The following MLLT10 variants were observed in gnomAD, a reference collection of about 807,000 sequenced individuals.
The protein encoded by MLLT10 is MLLT10 histone lysine methyltransferase DOT1L cofactor.
A neutral mutation model predicts 129.1 loss-of-function variants in MLLT10; 30 were observed. The ratio of observed to expected loss-of-function variants is 0.23; its 90% CI spans 0.17 to 0.32. MLLT10 has a LOEUF of 0.32. Among genes scored for constraint, MLLT10 ranks in the 10% least tolerant of loss-of-function variants. The probability of loss-of-function intolerance (pLI) is 1.00; values close to 1 mark genes in which losing one functional copy is unlikely to be tolerated. For synonymous variants in MLLT10, 490 were observed against 446.4 expected (o/e 1.10, Z -1.23); for missense variants, 1,119 against 1,268.3 (o/e 0.88, Z 1.79).
chr10:21,586,973 G>A (rs2042049196), intron 4 of MLLT10, among the ~76,000 whole-genome samples: 1 of 149,214 alleles, frequency 6.7e-6, no homozygotes, highest in African/African-American at 2.5e-5. Flanking sequence ...TTTTTTTGTT[G>A]TTGTTGTTAG....
At chr10:21,591,603 CT>C (rs1158835462) in intron 4 of MLLT10, among the ~76,000 whole-genome samples, 1 of 151,834 alleles carries the variant, frequency 6.6e-6, no homozygotes, top group Non-Finnish European at 1.5e-5. Context: ...CTTAAATTGC[CT>C]TTTTGGCCAT....
chr10:21,730,385 T>C (rs1188903621), intron 16 of MLLT10, among the ~76,000 whole-genome samples: 1 of 152,090 alleles, frequency 6.6e-6, no homozygotes, highest in Non-Finnish European at 1.5e-5. Context: ...TAATTTTTAA[T>C]TTATAACAAA....
At chr10:21,694,750 C>T (rs769876837) in intron 13 of MLLT10, among the ~76,000 whole-genome samples, 1 of 152,160 alleles carries the variant, frequency 6.6e-6, no homozygotes. Context: ...AAGTTAGCAG[C>T]TTAAAACCAC....
At chr10:21,594,068 A>G (rs1434213638) in intron 4 of MLLT10, among the ~76,000 whole-genome samples, 1 of 151,562 alleles carries the variant, frequency 6.6e-6, no homozygotes, top group African/African-American at 2.4e-5. Context: ...TACCTTCGTC[A>G]AATTTCAGTT....
rs2045348859 is a variant in MLLT10 at position 21,617,151 on chromosome 10, A to G, written c.643A>G (p.Ser215Gly). The G allele has an allele frequency of 6.5e-7, 1 of 1,541,858 alleles. No individual in the cohort carries two copies. Among genetic ancestry groups the G allele is most frequent in the Non-Finnish European group, 8.8e-7 (1 of 1,140,650 alleles). ...GGGATCTAATAGGTCATATGATCAA[A>G]GTTTAAGTGATTCTTCCTCTCACTC... is the stretch of plus-strand genomic sequence containing the variant. Reference protein sequence around the residue: ...KRGSNRSYDQSLSDSSSHSQD... With the variant: ...KRGSNRSYDQGLSDSSSHSQD... The change falls in exon 8 of 23, where the codon AGT becomes GGT. Residue 215 changes from serine (S) to glycine (G), a missense_variant. Ser to Gly is a moderately conservative substitution (Grantham distance 56). Around this residue, in one of 5 missense-constraint regions of MLLT10, gnomAD observed 1,004 missense variants for 1,008.7 expected, o/e 1.00. Coordinates refer to ENST00000307729, the MANE Select transcript of MLLT10 (RefSeq NM_001195626.3).
intron 5 of MLLT10, among the ~76,000 whole-genome samples, chr10:21,604,910 T>G (rs2043907820): frequency 6.6e-6 from 1 of 152,042 alleles, no homozygotes; most frequent in Non-Finnish European, 1.5e-5. Context: ...TTGTTTTTTT[T>G]ATTTCTACCT....
intron 14 of MLLT10, among the ~76,000 whole-genome samples, chr10:21,720,325 C>A (rs1266294544): frequency 6.6e-6 from 1 of 152,206 alleles, no homozygotes; most frequent in Non-Finnish European, 1.5e-5. Context: ...ACTCATGGGA[C>A]CTGAAAGTTG....
chr10:21,586,788 G>A (rs1819022247), intron 4 of MLLT10, among the ~76,000 whole-genome samples: 1 of 152,076 alleles, frequency 6.6e-6, no homozygotes, highest in African/African-American at 2.4e-5. Context: ...TTGGGAGGCT[G>A]AGGCAGGAGA....
rs529145498 is a variant in MLLT10 at position 21,687,791 on chromosome 10, C to T, written c.1699+5534C>T. 2.6e-5 allele frequency among the ~76,000 whole-genome samples: 4 copies of T among 152,246 alleles called. No homozygotes were observed. The South Asian group carries it at 8.3e-4, about 32-fold the overall frequency. On this transcript the variant is annotated intron_variant, in intron 13 of 22. Transcript: ENST00000307729. The stretch of plus-strand genomic sequence containing the variant: ...TTAGTAAACCTAGACCTTAGAATTG[C>T]TGTCTTGAATCAGAGAAATGGTAAG...
At chr10:21,644,425 G>T (rs1234984871) in intron 8 of MLLT10, among the ~76,000 whole-genome samples, 1 of 152,138 alleles carries the variant, frequency 6.6e-6, no homozygotes, top group Non-Finnish European at 1.5e-5. Context: ...TCTGAAGCCT[G>T]TGGGAATGAG....
intron 9 of MLLT10, among the ~76,000 whole-genome samples, chr10:21,664,550 T>C (rs2050553410): frequency 6.6e-6 from 1 of 152,114 alleles, no homozygotes; most frequent in Non-Finnish European, 1.5e-5. Flanking sequence ...CCCCTCAGCC[T>C]CCCAAAGTTG....
chr10:21,654,885 G>A (rs996666727), intron 9 of MLLT10, among the ~76,000 whole-genome samples: 1 of 152,078 alleles, frequency 6.6e-6, no homozygotes, highest in Non-Finnish European at 1.5e-5. Flanking sequence ...TTAAGGGATT[G>A]TTGAAGGCTG....
At chr10:21,624,542 T>TAGAGCC (rs2046234524) in intron 8 of MLLT10, 1 of 1,143,066 alleles carries the variant, frequency 8.7e-7, no homozygotes, top group South Asian at 2.0e-5. Context: ...AATGTAGATC[T>TAGAGCC]AGAGCCAGTC....
chr10:21,612,179 T>C (rs1489699635), intron 5 of MLLT10, among the ~76,000 whole-genome samples, 169 bp from the exon 6 acceptor site: 3 of 152,208 alleles, frequency 2.0e-5, no homozygotes, highest in Non-Finnish European at 2.9e-5. Context: ...TTTATATTTT[T>C]CTGTTTGTAT....
At chr10:21,541,970 C>T (rs888477157) in intron 3 of MLLT10, among the ~76,000 whole-genome samples, 7 of 152,106 alleles carry the variant, frequency 4.6e-5, no homozygotes, top group African/African-American at 1.7e-4. Flanking sequence ...TAGCGTTACT[C>T]TTTGACTTTT....
intron 3 of MLLT10, among the ~76,000 whole-genome samples, chr10:21,563,532 C>CAA (rs1394358042): frequency 7.2e-5 from 11 of 152,080 alleles, no homozygotes; most frequent in Admixed American, 3.3e-4. Context: ...AAAAACAGAA[C>CAA]AAAACAACAT....
chr10:21,627,195 A>G lies in MLLT10; in HGVS notation c.699+9988A>G, dbSNP rs188819465. The stretch of plus-strand genomic sequence containing the variant: ...GTCCTTCGCTCTACCCTCCTTTGCT[A>G]TCTCTCTCACTCTCTTTCTCCTCTA... On this transcript the variant is annotated intron_variant, in intron 8 of 22. Transcript: ENST00000307729. Among the ~76,000 whole-genome samples, 3 of 152,022 alleles carry G rather than the reference A, an allele frequency of 2.0e-5. No homozygotes were observed. In the South Asian group the frequency reaches 6.2e-4, roughly 32 times the overall value.
intron 3 of MLLT10, among the ~76,000 whole-genome samples, chr10:21,575,296 AT>A (rs1160627413): frequency 6.6e-6 from 1 of 151,944 alleles, no homozygotes; most frequent in Non-Finnish European, 1.5e-5. Flanking sequence ...GGTTCAAGCG[AT>A]TCTCCTGCCT....
At chr10:21,626,788 GC>G (rs1279246577) in intron 8 of MLLT10, among the ~76,000 whole-genome samples, 1 of 152,162 alleles carries the variant, frequency 6.6e-6, no homozygotes, top group Non-Finnish European at 1.5e-5. Flanking sequence ...CCTGGTACCT[GC>G]CCTTTTTGTG....
Sources: gnomAD v4.1 joint callset for allele counts (sites outside exome capture counted in the v4.1 genomes callset) on GRCh38, gnomAD v4.1.1 for gene constraint, gnomAD v4.1.1 regional missense constraint, MANE v1.5 for transcripts, NCBI Gene and HGNC (gene_info 2026-07-23, HGNC 2026-07-21) for gene names.